Variants in GALNT13 observed in about 807,000 individuals in gnomAD.
The protein encoded by GALNT13 is UDP-GalNAc:polypeptide N-acetylgalactosaminyltransferase 13.
GALNT13 carries 28 observed loss-of-function variants against 64.2 expected under a neutral mutation model. That is an observed-to-expected ratio of 0.44 (90% CI 0.32 to 0.60). The LOEUF is 0.60. GALNT13 is among the 20% of genes least tolerant of loss of function. The pLI is 0.05. For synonymous variants in GALNT13, 214 were observed against 224.6 expected (o/e 0.95, Z 0.42); for missense variants, 577 against 669.8 (o/e 0.86, Z 1.53).
the GALNT13 span, among the ~76,000 whole-genome samples, chr2:153,607,652 C>T: frequency 1.3e-5 from 2 of 151,866 alleles, no homozygotes; most frequent in Non-Finnish European, 2.9e-5. Flanking sequence ...ATAGAAAGTA[C>T]AAAATTGAAG....
chr2:154,151,742 A>G (rs1202923385), intron 4 of GALNT13, among the ~76,000 whole-genome samples: 2 of 152,214 alleles, frequency 1.3e-5, no homozygotes, highest in South Asian at 4.1e-4. Context: ...ATCAGGGACT[A>G]GGATTGCAAT....
the GALNT13 span, among the ~76,000 whole-genome samples, chr2:153,783,563 C>T: frequency 6.6e-6 from 1 of 152,082 alleles, no homozygotes; most frequent in Non-Finnish European, 1.5e-5. Flanking sequence ...ACTTCACACC[C>T]TTTTATCTGT....
In GALNT13 at chr2:154,148,053, T is replaced by A. The variant is rs188659069; in HGVS notation, c.311+7548T>A. ...ATTTAACGTTAGGTATATCTCCTAATGCTATCCCTCCACCCTCCACCTTCC... is the reference window on the plus strand; with the variant it reads ...ATTTAACGTTAGGTATATCTCCTAAAGCTATCCCTCCACCCTCCACCTTCC... On this transcript the variant is annotated intron_variant, in intron 4 of 12. Transcript: ENST00000392825. Among the ~76,000 whole-genome samples, 3 of 152,276 alleles carry A rather than the reference T, an allele frequency of 2.0e-5. No individual in the cohort carries two copies. In the East Asian group the frequency reaches 5.8e-4, roughly 29 times the overall value.
chr2:153,800,045 G>GCTCTCTCTAT, the GALNT13 span, among the ~76,000 whole-genome samples: 1 of 118,930 alleles, frequency 8.4e-6, no homozygotes, highest in African/African-American at 3.1e-5. Flanking sequence ...CATTTAGTTT[G>GCTCTCTCTAT]CTCTCTCTCT....
chr2:154,070,173 A>G (rs1043989438), intron 3 of GALNT13, among the ~76,000 whole-genome samples: 2 of 152,064 alleles, frequency 1.3e-5, no homozygotes, highest in Non-Finnish European at 2.9e-5. Flanking sequence ...ATTCATAGTC[A>G]CTCATTTATT....
intron 3 of GALNT13, among the ~76,000 whole-genome samples, chr2:154,065,514 C>G (rs1700414112): frequency 6.6e-6 from 1 of 152,134 alleles, no homozygotes; most frequent in Non-Finnish European, 1.5e-5. Flanking sequence ...CAGCTTAGCA[C>G]AGAGAAAGAT....
intron 8 of GALNT13, among the ~76,000 whole-genome samples, chr2:154,301,029 T>C (rs1013900086): frequency 1.3e-5 from 2 of 152,068 alleles, no homozygotes; most frequent in Non-Finnish European, 2.9e-5. Context: ...GGATGGAGAG[T>C]AACTGATTTT....
At chr2:153,763,132 TATTA>T in the GALNT13 span, among the ~76,000 whole-genome samples, 14 of 152,158 alleles carry the variant, frequency 9.2e-5, no homozygotes, top group African/African-American at 3.4e-4. Flanking sequence ...GATGTATTTT[TATTA>T]ACTATCATAC....
intron 11 of GALNT13, among the ~76,000 whole-genome samples, chr2:154,423,682 C>T (rs1700352214): frequency 6.6e-6 from 1 of 152,144 alleles, no homozygotes; most frequent in African/African-American, 2.4e-5. Flanking sequence ...TAAAATTGTT[C>T]TCTGGGATCC....
chr2:154,362,779 C>G (rs1697148590), intron 9 of GALNT13, among the ~76,000 whole-genome samples: 1 of 152,112 alleles, frequency 6.6e-6, no homozygotes, highest in African/African-American at 2.4e-5. Context: ...TACAAGTGGC[C>G]AAATAGCTAT....
chr2:153,462,826 G>T, the GALNT13 span, among the ~76,000 whole-genome samples: 1 of 152,058 alleles, frequency 6.6e-6, no homozygotes, highest in South Asian at 2.1e-4. Flanking sequence ...CTTTGGTCCT[G>T]GCTCATAAAT....
the GALNT13 span, among the ~76,000 whole-genome samples, chr2:153,382,215 T>G: frequency 2.6e-5 from 4 of 152,038 alleles, no homozygotes; most frequent in African/African-American, 9.7e-5. Flanking sequence ...TTTTTTTAAT[T>G]TTAACTTTCA....
At chr2:154,264,820 A>G (rs1690898234) in intron 8 of GALNT13, among the ~76,000 whole-genome samples, 1 of 151,252 alleles carries the variant, frequency 6.6e-6, no homozygotes, top group Non-Finnish European at 1.5e-5. Context: ...GGTAAAATCA[A>G]TGACCTTAGC....
the GALNT13 span, among the ~76,000 whole-genome samples, chr2:153,282,019 C>A: frequency 6.6e-6 from 1 of 150,968 alleles, no homozygotes; most frequent in African/African-American, 2.4e-5. Context: ...ACTTTGTTTC[C>A]TTCTCTCTCA....
the GALNT13 span, among the ~76,000 whole-genome samples, chr2:153,789,820 T>G: frequency 3.4e-4 from 52 of 152,030 alleles, no homozygotes; most frequent in African/African-American, 1.2e-3. Flanking sequence ...GCACACAAAC[T>G]AGAAAACCTA....
the GALNT13 span, among the ~76,000 whole-genome samples, chr2:153,718,748 T>C: frequency 2.6e-5 from 4 of 152,350 alleles, no homozygotes; most frequent in East Asian, 7.7e-4. Context: ...CTTTCTCATC[T>C]ATGTGTTGTT....
At chr2:153,684,639 G>GT in the GALNT13 span, among the ~76,000 whole-genome samples, 1 of 151,348 alleles carries the variant, frequency 6.6e-6, no homozygotes, top group Non-Finnish European at 1.5e-5. Flanking sequence ...AGTTTTTTCT[G>GT]TTTTTTAAAT....
At chr2:153,346,784 G>T in the GALNT13 span, among the ~76,000 whole-genome samples, 1 of 152,048 alleles carries the variant, frequency 6.6e-6, no homozygotes, top group Non-Finnish European at 1.5e-5. Context: ...AGTGTACCAG[G>T]TTCTATGTTA....
At chr2:154,170,286 G>C (rs1475065794) in intron 4 of GALNT13, among the ~76,000 whole-genome samples, 2 of 152,188 alleles carry the variant, frequency 1.3e-5, no homozygotes, top group Middle Eastern at 3.4e-3. Flanking sequence ...ATTTCTTCCA[G>C]AAACACCCTC....
Sources: gnomAD v4.1 joint callset for allele counts (sites outside exome capture counted in the v4.1 genomes callset) on GRCh38, gnomAD v4.1.1 for gene constraint, MANE v1.5 for transcripts, NCBI Gene and HGNC (gene_info 2026-07-23, HGNC 2026-07-21) for gene names.